RNF14: variants seen among roughly 807,000 people sequenced by gnomAD.
RNF14 encodes E3 ubiquitin-protein ligase RNF14.
RNF14 carries 26 observed loss-of-function variants against 52.6 expected under a neutral mutation model. The observed-to-expected ratio is 0.49, with a 90% confidence interval of 0.36 to 0.69. RNF14 has a LOEUF of 0.69. Ranked by LOEUF, RNF14 falls within the 30% of genes least tolerant of loss-of-function variation. RNF14 has a pLI of 0.00. For synonymous variants in RNF14, 194 were observed against 202.0 expected (o/e 0.96, Z 0.34); for missense variants, 404 against 560.4 (o/e 0.72, Z 2.82).
upstream of RNF14, chr5:141,957,076 G>A: frequency 6.2e-7 from 1 of 1,614,190 alleles, no homozygotes; most frequent in South Asian, 1.1e-5. This position sits in a 1 kb window ranked among gnomAD's most constrained non-coding sequence, Gnocchi z 4.3. Flanking sequence ...AAGCGTACCA[G>A]GTGCAGCATC....
intron 3 of RNF14, 32 bp downstream of exon 3, chr5:141,973,774 T>C (rs199833689): frequency 6.5e-7 from 1 of 1,531,926 alleles, no homozygotes; most frequent in East Asian, 2.3e-5. Context: ...CAGATTTTTC[T>C]ATTATTCTTT....
chr5:141,959,359 A>G (rs975406180), intron 1 of RNF14, among the ~76,000 whole-genome samples: 16 of 152,146 alleles, frequency 1.1e-4, no homozygotes, highest in African/African-American at 4.8e-5. Context: ...AAATTCAGGA[A>G]GGAAGGAGGT....
rs747607934 is a variant in RNF14 at position 141,989,840 on chromosome 5, C to A, written c.*2050C>A. On this transcript the variant is annotated 3_prime_UTR_variant, in exon 9 of 9. Transcript: ENST00000394520. ...TCAGATTTATTCAGAAAGAGCTACT[C>A]AGAAGCTCTATAGTTCGTGAGCTAC... 6 of 152,166 alleles carry A rather than the reference C, an allele frequency of 3.9e-5. No homozygotes were observed. The highest frequency in any genetic ancestry group is 8.8e-5 in the Non-Finnish European group (6 of 68,038). The allele number at this position is 152,166 out of a possible 1,614,324, so 9.4% of individuals were successfully genotyped here.
upstream of RNF14, chr5:141,956,068 G>A (rs1753177734): frequency 6.2e-7 from 1 of 1,614,194 alleles, no homozygotes. Context: ...CAAGCCATTG[G>A]GAGTCTCGAT....
upstream of RNF14, chr5:141,955,733 GGGC>G: frequency 6.2e-7 from 1 of 1,614,088 alleles, no homozygotes; most frequent in Non-Finnish European, 8.5e-7. This position sits in a 1 kb window ranked among gnomAD's most constrained non-coding sequence, Gnocchi z 5.5. Flanking sequence ...CCAGGCTTGC[GGGC>G]TGAGTCCCTC....
chr5:141,967,900 C>T (rs77300336), upstream of RNF14, among the ~76,000 whole-genome samples: 848 of 152,288 alleles, frequency 5.6e-3, 3 homozygotes, highest in Non-Finnish European at 8.7e-3. Context: ...GTTTCTAGTA[C>T]ACTCACAAAG....
At chr5:141,963,564 T>C (rs538901593), upstream of RNF14, among the ~76,000 whole-genome samples, 7 of 152,332 alleles carry the variant, frequency 4.6e-5, no homozygotes, top group African/African-American at 1.7e-4. Flanking sequence ...CGAACTGTTT[T>C]ACACGAAAGA....
In RNF14 at chr5:141,978,743, C is replaced by T. The variant is rs1045589235; in HGVS notation, c.747C>T (p.Asp249=). The T allele has an allele frequency of 7.4e-6, 12 of 1,614,014 alleles. No individual in the cohort carries two copies. Among genetic ancestry groups the T allele is most frequent in the Non-Finnish European group, 9.3e-6 (11 of 1,179,876 alleles). ...TGTACTGCAAAGCCTGTCTGAAGGA[C>T]TACTTTGAAATCCAGATCAGAGATG... ...RHVYCKACLK[D]YFEIQIRDGQ... is the part of the protein sequence containing the mutation. Residue 249 remains aspartate, a synonymous_variant, in exon 5 of 9, where the codon GAC becomes GAT. Coordinates refer to ENST00000394520, the MANE Select transcript of RNF14 (RefSeq NM_004290.5).
Position 141,988,504 on chromosome 5 carries a change from A to G in RNF14, c.*714A>G, listed in dbSNP as rs1296340609. On this transcript the variant is annotated 3_prime_UTR_variant, in exon 9 of 9. Coordinates refer to ENST00000394520, the MANE Select transcript of RNF14 (RefSeq NM_004290.5). The stretch of plus-strand genomic sequence containing the variant: ...CTAGAATTTAGTGATACTGGCTCAG[A>G]AGAATTTAAGTTCTATTCAGCCTTC... 1 of 152,354 alleles carries G rather than the reference A, an allele frequency of 6.6e-6. No homozygotes were observed. The highest frequency in any genetic ancestry group is 1.5e-5 in the Non-Finnish European group (1 of 68,040). The allele number at this position is 152,354 out of a possible 1,614,324, so 9.4% of individuals were successfully genotyped here. A position where few individuals can be genotyped will look rare whatever the true frequency, so the allele number is the denominator to read the frequency against.
chr5:141,985,629 C>T (rs1002881039), intron 8 of RNF14, among the ~76,000 whole-genome samples: 2 of 152,100 alleles, frequency 1.3e-5, no homozygotes, highest in African/African-American at 4.8e-5. Context: ...CGTCTCGGCT[C>T]ACTGCAAGCT....
chr5:141,955,315 A>G (rs1374885011), upstream of RNF14: 2 of 1,613,838 alleles, frequency 1.2e-6, no homozygotes, highest in African/African-American at 2.7e-5. The surrounding 1 kb of genome is among the most constrained non-coding windows in gnomAD (Gnocchi z 5.5). Context: ...AAGGAGGTTG[A>G]CCGTGTCTTG....
chr5:141,965,010 A>C (rs1475993345), upstream of RNF14, among the ~76,000 whole-genome samples: 3 of 152,146 alleles, frequency 2.0e-5, no homozygotes, highest in Non-Finnish European at 4.4e-5. Flanking sequence ...ATGATGAGCA[A>C]ATACACAATG....
At chr5:141,983,592 C>G (rs200639964) in intron 7 of RNF14, 40 bp downstream of exon 7, 67 of 1,554,022 alleles carry the variant, frequency 4.3e-5, no homozygotes, top group Admixed American at 1.2e-4. Flanking sequence ...ATCAGACTTG[C>G]AAGGATGTTA....
At chr5:141,951,414 C>A in the RNF14 span, 1 of 1,055,760 alleles carries the variant, frequency 9.5e-7, no homozygotes, top group South Asian at 1.3e-5. Context: ...GCTCACCCTT[C>A]CTCACTCACA....
At chr5:141,949,655 G>A in the RNF14 span, 4 of 1,541,680 alleles carry the variant, frequency 2.6e-6, no homozygotes, top group Non-Finnish European at 3.5e-6. Context: ...GCCCATTCAT[G>A]TTTGCATTCA....
At chr5:141,973,913 AT>A (rs1442830657) in intron 3 of RNF14, among the ~76,000 whole-genome samples, 171 bp downstream of exon 3, 1 of 152,204 alleles carries the variant, frequency 6.6e-6, no homozygotes, top group Non-Finnish European at 1.5e-5. Context: ...GCAGTTTTCA[AT>A]TTGATTCTAC....
chr5:141,959,522 G>T (rs559185866), intron 1 of RNF14, among the ~76,000 whole-genome samples: 5 of 152,272 alleles, frequency 3.3e-5, no homozygotes, highest in Admixed American at 2.0e-4. Flanking sequence ...GAGAATGAAC[G>T]CCAGCTTCCC....
At chr5:141,955,587 G>A (rs368919063), upstream of RNF14, 88 of 1,613,956 alleles carry the variant, frequency 5.5e-5, 1 homozygote, top group South Asian at 8.0e-4. The surrounding 1 kb of genome is among the most constrained non-coding windows in gnomAD (Gnocchi z 5.5). Flanking sequence ...AGGTGGACTC[G>A]GCCTCCCGAC....
rs1350115457 is a variant in RNF14 at position 141,971,587 on chromosome 5, C to T, written c.-7+710C>T. 3.7e-3 allele frequency among the ~76,000 whole-genome samples: 460 copies of T among 123,600 alleles called. 7 individuals carry two copies. The South Asian group carries it at 0.048, about 13-fold the overall frequency. The allele number at this position is 123,600 out of a possible 152,430, so 81.1% of individuals were successfully genotyped here. A position where few individuals can be genotyped will look rare whatever the true frequency, so the allele number is the denominator to read the frequency against. On this transcript the variant is annotated intron_variant, in intron 2 of 8. Coordinates refer to ENST00000394520, the MANE Select transcript of RNF14 (RefSeq NM_004290.5). ...TTTTTCTTTCTTTCTTTCTTTCTTTCTTTCTTTCTTTCTTTCTTTCTTTCC... is the reference window on the plus strand; with the variant it reads ...TTTTTCTTTCTTTCTTTCTTTCTTTTTTTCTTTCTTTCTTTCTTTCTTTCC...
Sources: allele counts gnomAD v4.1 joint callset (sites outside exome capture counted in the v4.1 genomes callset), GRCh38; gene constraint gnomAD v4.1.1; non-coding constraint Gnocchi (gnomAD v3.1); transcripts MANE v1.5; gene names NCBI Gene and HGNC (gene_info 2026-07-23, HGNC 2026-07-21).